Variants in CFAP45 observed in about 807,000 individuals in gnomAD.
CFAP45 encodes the protein cilia- and flagella-associated protein 45.
A neutral mutation model predicts 75.6 loss-of-function variants in CFAP45; 43 were observed. The observed-to-expected ratio is 0.57, with a 90% CI of 0.45 to 0.73. CFAP45 has a LOEUF of 0.73. Among genes scored for constraint, CFAP45 ranks in the 30% least tolerant of loss-of-function variants. The probability of loss-of-function intolerance (pLI) is 0.00; values close to 1 mark genes in which losing one functional copy is unlikely to be tolerated. For missense variants in CFAP45, 689 were observed against 701.5 expected, an observed-to-expected ratio of 0.98 and a Z score of 0.20; for synonymous variants, 223 against 244.6, an observed-to-expected ratio of 0.91 and a Z score of 0.82.
chr1:159,893,354 A>G, intron 1 of CFAP45, 49 bp from the exon 2 acceptor site: 1 of 1,597,996 alleles, frequency 6.3e-7, no homozygotes, highest in South Asian at 1.1e-5. Flanking sequence ...AGTGGCATCC[A>G]GACCCTGGGA....
intron 3 of CFAP45, among the ~76,000 whole-genome samples, chr1:159,890,140 C>A (rs1032876323): frequency 6.6e-6 from 1 of 152,228 alleles, no homozygotes; most frequent in Non-Finnish European, 1.5e-5. Flanking sequence ...ATCTGGATCA[C>A]TTCCCTTTAG....
intron 9 of CFAP45, 77 bp downstream of exon 9, chr1:159,877,272 C>G (rs1403444010): frequency 9.8e-7 from 1 of 1,021,460 alleles, no homozygotes; most frequent in East Asian, 2.4e-5. Flanking sequence ...ACCCTCAAGG[C>G]CATTCTACAG....
At chr1:159,893,087 G>T (rs991471494) in intron 2 of CFAP45, 93 bp downstream of exon 2, 2 of 1,420,270 alleles carry the variant, frequency 1.4e-6, no homozygotes, top group African/African-American at 1.4e-5. Context: ...ACCTACGAGA[G>T]CAAGGTTACT....
rs747156173 is a variant in CFAP45 at position 159,888,499 on chromosome 1, G to GACACAAGAA, written c.273-4_273-3insTTCTTGTGT. The GACACAAGAA allele has an allele frequency of 6.0e-3, 9,731 of 1,613,274 alleles. 185 individuals carry two copies. The highest frequency in any genetic ancestry group is 7.9e-3 in the Admixed American group (474 of 59,950). On this transcript the variant is annotated splice_polypyrimidine_tract_variant and splice_region_variant and intron_variant, in intron 3 of 11. Coordinates refer to ENST00000368099, the MANE Select transcript of CFAP45 (RefSeq NM_012337.3). ...CGGAGGGATCCTCTGTGGGAACACT[G>GACACAAGAA]TCACAAGAATAAACAGAGTTAGGGA...
chr1:159,885,886 G>T (rs1649667359), intron 6 of CFAP45, among the ~76,000 whole-genome samples: 1 of 152,030 alleles, frequency 6.6e-6, no homozygotes, highest in South Asian at 2.1e-4. Flanking sequence ...AAAGAAAAGG[G>T]TATTCAAAAA....
In CFAP45 at chr1:159,900,128, T is replaced by A. The variant is rs1650041526; in HGVS notation, c.-30A>T. 3 of 1,613,996 alleles carry A rather than the reference T, an allele frequency of 1.9e-6. No homozygotes were observed. The African/African-American group carries it at 4.0e-5, about 22-fold the overall frequency. On this transcript the variant is annotated 5_prime_UTR_variant, in exon 1 of 12. It adds an upstream start codon to the 5' untranslated region. Transcript: ENST00000368099. ...TCAGCCACACGCCCTGACTCCGGACTTCTGCTGCCGCCTCGGCGCCGCCAA... is the reference window on the plus strand; with the variant it reads ...TCAGCCACACGCCCTGACTCCGGACATCTGCTGCCGCCTCGGCGCCGCCAA...
intron 3 of CFAP45, among the ~76,000 whole-genome samples, chr1:159,889,903 G>A (rs1169798997): frequency 6.6e-6 from 1 of 152,232 alleles, no homozygotes; most frequent in Non-Finnish European, 1.5e-5. Flanking sequence ...CACAGTGTTG[G>A]CTCATGGCAC....
At chr1:159,893,012 C>T (rs575118782) in intron 2 of CFAP45, among the ~76,000 whole-genome samples, 168 bp downstream of exon 2, 2 of 152,264 alleles carry the variant, frequency 1.3e-5, no homozygotes, top group African/African-American at 4.8e-5. Context: ...TACATAGGCC[C>T]CACTAGATCC....
At chr1:159,875,169 G>A (rs1051258458) in intron 10 of CFAP45, among the ~76,000 whole-genome samples, 2 of 152,236 alleles carry the variant, frequency 1.3e-5, no homozygotes, top group African/African-American at 2.4e-5. Context: ...ATGATGCAAA[G>A]GAAAGATAAA....
Position 159,886,531 on chromosome 1 carries a change from C to T in CFAP45, c.747G>A (p.Lys249=), listed in dbSNP as rs770550000. ...SIQRQEELER[K]RREERIRGRR... is the part of the protein sequence containing the mutation. ...TTTACCTAATTCTTTCCTCCCTCCT[C>T]TTCCTCTCCAGTTCCTCCTGCCTTT... Residue 249 remains lysine (K), a synonymous_variant, in exon 6 of 12, where the codon AAG becomes AAA. Transcript: ENST00000368099. 1 of 1,614,098 alleles carries T rather than the reference C, an allele frequency of 6.2e-7. No individual in the cohort carries two copies. The highest frequency in any genetic ancestry group is 1.1e-5 in the South Asian group (1 of 91,088).
intron 1 of CFAP45, among the ~76,000 whole-genome samples, chr1:159,894,838 C>G (rs371991806): frequency 6.6e-6 from 1 of 152,178 alleles, no homozygotes; most frequent in East Asian, 1.9e-4. Context: ...CAAGGAAAAC[C>G]TTTCTGACCC....
At chr1:159,884,104 T>C (rs961225704) in intron 7 of CFAP45, among the ~76,000 whole-genome samples, 1 of 152,186 alleles carries the variant, frequency 6.6e-6, no homozygotes, top group Non-Finnish European at 1.5e-5. Context: ...CCCTAGGTGA[T>C]TGAAGGAAGA....
intron 9 of CFAP45, 141 bp from the exon 10 acceptor site, chr1:159,876,890 T>C (rs1649418377): frequency 2.5e-6 from 2 of 803,188 alleles, no homozygotes; most frequent in South Asian, 3.2e-5. Context: ...CTAGTTATTC[T>C]AGGAAAAGAT....
intron 7 of CFAP45, among the ~76,000 whole-genome samples, chr1:159,881,615 C>G (rs1649552230): frequency 6.6e-6 from 1 of 152,102 alleles, no homozygotes; most frequent in African/African-American, 2.4e-5. Flanking sequence ...AAGGTAGGAC[C>G]AAAGTGAGAG....
chr1:159,899,653 G>C (rs977713800), intron 1 of CFAP45, among the ~76,000 whole-genome samples: 4 of 151,646 alleles, frequency 2.6e-5, no homozygotes, highest in African/African-American at 9.7e-5. Context: ...ATTTTTAGTA[G>C]AGGCGGGGTT....
intron 6 of CFAP45, among the ~76,000 whole-genome samples, chr1:159,884,931 G>C (rs1232093000): frequency 6.6e-6 from 1 of 152,198 alleles, no homozygotes; most frequent in African/African-American, 2.4e-5. Flanking sequence ...TAGGAAGCTA[G>C]CTGAATAGTA....
chr1:159,890,831 T>A (rs573923267), intron 2 of CFAP45, among the ~76,000 whole-genome samples: 1 of 146,618 alleles, frequency 6.8e-6, no homozygotes, highest in South Asian at 2.2e-4. Flanking sequence ...CGATCTTGGC[T>A]CACTACAACC....
At chr1:159,880,074 G>A (rs1203049263) in intron 8 of CFAP45, among the ~76,000 whole-genome samples, 1 of 152,158 alleles carries the variant, frequency 6.6e-6, no homozygotes, top group Non-Finnish European at 1.5e-5. Flanking sequence ...CTCCTCCACT[G>A]TGCATTTGCT....
At chr1:159,872,899 T>G in intron 11 of CFAP45, 45 bp downstream of exon 11, 1 of 1,570,172 alleles carries the variant, frequency 6.4e-7, no homozygotes, top group Non-Finnish European at 8.8e-7. Context: ...GCCATCTCTT[T>G]GCGGGAGGGA....
Sources: allele counts gnomAD v4.1 joint callset (sites outside exome capture counted in the v4.1 genomes callset), GRCh38; gene constraint gnomAD v4.1.1; transcripts MANE v1.5; gene names NCBI Gene and HGNC (gene_info 2026-07-23, HGNC 2026-07-21).